PIBF1: variants seen among roughly 807,000 people sequenced by gnomAD.
PIBF1 encodes progesterone-induced-blocking factor 1.
PIBF1 carries 90 observed loss-of-function variants against 112.5 expected under a neutral mutation model. The observed-to-expected ratio is 0.80, with a 90% confidence interval of 0.67 to 0.95. PIBF1 has a LOEUF of 0.95. PIBF1 is among the 40% of genes least tolerant of loss of function. The pLI is 0.00. For synonymous variants in PIBF1, 301 were observed against 288.6 expected, an observed-to-expected ratio of 1.04 and a Z score of -0.44; for missense variants, 915 against 852.3, an observed-to-expected ratio of 1.07 and a Z score of -0.92.
intron 10 of PIBF1, among the ~76,000 whole-genome samples, chr13:72,861,771 G>A (rs2038708569): frequency 6.6e-6 from 1 of 152,052 alleles, no homozygotes; most frequent in African/African-American, 2.4e-5. Flanking sequence ...TCGCCATGTT[G>A]GCCAGGCTGG....
At chr13:72,825,640 A>G (rs1456897116) in intron 6 of PIBF1, among the ~76,000 whole-genome samples, 1 of 152,218 alleles carries the variant, frequency 6.6e-6, no homozygotes, top group Non-Finnish European at 1.5e-5. Context: ...TTCTCCACAT[A>G]TACCGTTAAG....
intron 14 of PIBF1, among the ~76,000 whole-genome samples, chr13:72,953,583 TACAAATA>T (rs1388972243): frequency 2.6e-5 from 4 of 152,306 alleles, no homozygotes; most frequent in Admixed American, 2.6e-4. Flanking sequence ...TTTCCTTAGT[TACAAATA>T]ACCTTAGTGT....
At position 72,835,383 on chromosome 13, in the gene PIBF1, A is replaced by T; in HGVS notation, c.1223+15A>T. ...CGAGAAAACAGGTAAAAAAAAAAAA[A>T]TGCTTGTATGGTATTTTATTTATCT... is the stretch of plus-strand genomic sequence containing the variant. On this transcript the variant is annotated intron_variant, in intron 9 of 17. Coordinates refer to ENST00000326291, the MANE Select transcript of PIBF1 (RefSeq NM_006346.4). The T allele has an allele frequency of 6.6e-7, 1 of 1,519,514 alleles. No individual in the cohort carries two copies. Among genetic ancestry groups the T allele is most frequent in the Non-Finnish European group, 8.9e-7 (1 of 1,128,998 alleles). The allele number at this position is 1,519,514 out of a possible 1,614,324, so 94.1% of individuals were successfully genotyped here.
At position 72,795,378 on chromosome 13, in the gene PIBF1, A is replaced by C. The variant is rs763589583; in HGVS notation, c.373A>C (p.Lys125Gln). The C allele has an allele frequency of 8.8e-6, 14 of 1,593,000 alleles. No homozygotes were observed. In the African/African-American group the frequency reaches 1.9e-4, roughly 22 times the overall value. ...ATGTAGCAAATATCAAGAATTAATG[A>C]AACAAGAAATGGAAACCATTTTGTT... is the stretch of plus-strand genomic sequence containing the variant. The part of the protein sequence containing the change: ...KDASKYQELM[K>Q]QEMETILLRQ... Residue 125 changes from lysine (K) to glutamine (Q), a missense_variant, in exon 4 of 18, where the codon AAA becomes CAA. By Grantham distance (53) the Lys-to-Gln change is moderately conservative. Transcript: ENST00000326291.
At chr13:72,897,240 T>C (rs1393548270) in intron 11 of PIBF1, among the ~76,000 whole-genome samples, 1 of 152,118 alleles carries the variant, frequency 6.6e-6, no homozygotes, top group African/African-American at 2.4e-5. Flanking sequence ...CATTTTCAGA[T>C]AAATACATGC....
chr13:72,819,314 A>G (rs975100755), intron 5 of PIBF1, among the ~76,000 whole-genome samples: 2 of 152,006 alleles, frequency 1.3e-5, no homozygotes, highest in African/African-American at 4.8e-5. Flanking sequence ...TAATCTGCAC[A>G]TCTAAGCTGT....
intron 15 of PIBF1, among the ~76,000 whole-genome samples, chr13:72,967,302 C>A (rs2042769041): frequency 6.6e-6 from 1 of 151,948 alleles, no homozygotes. Context: ...ATATAAAAAT[C>A]CTGAGGAAAA....
intron 2 of PIBF1, among the ~76,000 whole-genome samples, chr13:72,785,084 G>C (rs1377772371): frequency 6.6e-6 from 1 of 151,932 alleles, no homozygotes; most frequent in Non-Finnish European, 1.5e-5. Flanking sequence ...CAACAGTGAG[G>C]GTTCTACCCT....
chr13:72,785,623 A>C (rs191302818), intron 2 of PIBF1, among the ~76,000 whole-genome samples: 1 of 152,310 alleles, frequency 6.6e-6, no homozygotes, highest in East Asian at 1.9e-4. Flanking sequence ...GTCACTTGGT[A>C]GTTTATCCAT....
intron 5 of PIBF1, among the ~76,000 whole-genome samples, chr13:72,802,961 AAG>A (rs1316263814): frequency 1.3e-5 from 2 of 152,156 alleles, no homozygotes; most frequent in Non-Finnish European, 2.9e-5. Flanking sequence ...TGTCAAGGAA[AAG>A]AGAGTGATCA....
At chr13:72,877,299 G>GT (rs1358821872) in intron 10 of PIBF1, among the ~76,000 whole-genome samples, 1 of 152,054 alleles carries the variant, frequency 6.6e-6, no homozygotes, top group Non-Finnish European at 1.5e-5. Context: ...TTTGTTGAGG[G>GT]TTTTTGCATC....
intron 13 of PIBF1, among the ~76,000 whole-genome samples, chr13:72,927,964 T>TATATATATGTATATAC (rs2041553667): frequency 1.2e-5 from 1 of 82,152 alleles, no homozygotes; most frequent in African/African-American, 5.7e-5. Context: ...TATATACACA[T>TATATATATGTATATAC]ATATATATAT....
intron 14 of PIBF1, among the ~76,000 whole-genome samples, chr13:72,936,018 T>TTATG (rs1191910328): frequency 1.3e-5 from 2 of 151,216 alleles, no homozygotes; most frequent in Admixed American, 6.6e-5. Context: ...TTTTATTTAT[T>TTATG]TATTTATTTA....
intron 16 of PIBF1, among the ~76,000 whole-genome samples, chr13:72,980,577 T>A (rs1416109778): frequency 3.9e-5 from 6 of 152,052 alleles, no homozygotes; most frequent in African/African-American, 1.4e-4. Flanking sequence ...GACAGATCAC[T>A]TGAGCTCAGG....
At chr13:72,788,321 C>T (rs1486240493) in intron 2 of PIBF1, among the ~76,000 whole-genome samples, 1 of 152,166 alleles carries the variant, frequency 6.6e-6, no homozygotes. Context: ...TTAAGTTCAG[C>T]AGTTAATACC....
At chr13:73,002,983 CAAAAAAAAAAA>C (rs1161228077) in intron 17 of PIBF1, among the ~76,000 whole-genome samples, 2 of 57,520 alleles carry the variant, frequency 3.5e-5, no homozygotes, top group African/African-American at 7.5e-5. Context: ...ACTCTGGTCT[CAAAAAAAAAAA>C]AAAAAAAAAA....
chr13:72,845,851 A>G (rs1378183490), intron 9 of PIBF1, among the ~76,000 whole-genome samples: 3 of 152,044 alleles, frequency 2.0e-5, no homozygotes, highest in African/African-American at 7.2e-5. Context: ...GCACCCCCAT[A>G]CTACTCCAAC....
intron 10 of PIBF1, among the ~76,000 whole-genome samples, chr13:72,879,548 G>T (rs1198813170): frequency 1.3e-5 from 2 of 152,194 alleles, no homozygotes; most frequent in Admixed American, 1.3e-4. Context: ...ATAAAAGAAG[G>T]CAGTTTTTAG....
intron 5 of PIBF1, among the ~76,000 whole-genome samples, chr13:72,810,478 A>T (rs1477850576): frequency 3.5e-4 from 53 of 152,226 alleles, no homozygotes; most frequent in Admixed American, 3.5e-3. Context: ...TCTTTAAAAA[A>T]TTCTGCAAGA....
Sources: gnomAD v4.1 joint callset for allele counts (sites outside exome capture counted in the v4.1 genomes callset) on GRCh38, gnomAD v4.1.1 for gene constraint, MANE v1.5 for transcripts, NCBI Gene and HGNC (gene_info 2026-07-23, HGNC 2026-07-21) for gene names.